Variants in FLYWCH1 observed in about 807,000 individuals in gnomAD.
FLYWCH1 encodes the protein FLYWCH-type zinc finger-containing protein 1.
A neutral mutation model predicts 66.4 loss-of-function variants in FLYWCH1; 75 were observed. The observed-to-expected ratio is 1.13, with a 90% confidence interval of 0.94 to 1.37. The LOEUF (loss-of-function observed/expected upper bound fraction) is 1.37, where lower values mean the gene tolerates loss of function less well. Ranked by LOEUF, FLYWCH1 falls within the 40% of genes most tolerant of loss-of-function variation. FLYWCH1 has a pLI of 0.00. For synonymous variants in FLYWCH1, 595 were observed against 429.9 expected, an observed-to-expected ratio of 1.38 and a Z score of -4.75; for missense variants, 1,334 against 1,001.8, an observed-to-expected ratio of 1.33 and a Z score of -4.48.
At chr16:2,919,138 C>G (rs4485370) in intron 2 of FLYWCH1, among the ~76,000 whole-genome samples, 6,817 of 152,126 alleles carry the variant, frequency 0.045, 507 homozygotes, top group African/African-American at 0.15. Context: ...CCAAGGTGGT[C>G]TCGATCTCCT....
intron 7 of FLYWCH1, among the ~76,000 whole-genome samples, chr16:2,937,705 T>A (rs1715598553): frequency 6.6e-6 from 1 of 152,024 alleles, no homozygotes; most frequent in Non-Finnish European, 1.5e-5. Flanking sequence ...TCCTGGACAC[T>A]CTTGGTCTAC....
chr16:2,934,208 C>T (rs1193562941), intron 6 of FLYWCH1, among the ~76,000 whole-genome samples: 3 of 152,176 alleles, frequency 2.0e-5, no homozygotes, highest in Admixed American at 6.5e-5. Context: ...CTGACCTGCC[C>T]CACAGTAGCA....
chr16:2,922,495 C>G, intron 2 of FLYWCH1: 1 of 237,774 alleles, frequency 4.2e-6, no homozygotes, highest in South Asian at 5.3e-5. Context: ...GCCCCTGGCA[C>G]CCCCATTCTA....
chr16:2,918,933 A>C (rs1042667791), intron 2 of FLYWCH1, among the ~76,000 whole-genome samples: 2 of 152,014 alleles, frequency 1.3e-5, no homozygotes, highest in African/African-American at 4.8e-5. Flanking sequence ...TGAATTTGTT[A>C]ATTGGATTTT....
chr16:2,944,185 C>T (rs1417913737), intron 9 of FLYWCH1, among the ~76,000 whole-genome samples: 1 of 151,674 alleles, frequency 6.6e-6, no homozygotes, highest in African/African-American at 2.4e-5. Context: ...TCAGGAATTC[C>T]AGACCAGCCT....
At chr16:2,921,131 A>G (rs1283354958) in intron 2 of FLYWCH1, among the ~76,000 whole-genome samples, 2 of 152,134 alleles carry the variant, frequency 1.3e-5, no homozygotes, top group Admixed American at 6.6e-5. Context: ...GTGAGCCACC[A>G]TTCCCAGACA....
chr16:2,945,165 C>A (rs1214431330), intron 9 of FLYWCH1, among the ~76,000 whole-genome samples: 1 of 151,710 alleles, frequency 6.6e-6, no homozygotes, highest in African/African-American at 2.4e-5. Context: ...GCCTGGCCAA[C>A]GTGAAGAAAC....
chr16:2,941,652 G>T (rs572844451), intron 9 of FLYWCH1, among the ~76,000 whole-genome samples: 1 of 151,856 alleles, frequency 6.6e-6, no homozygotes, highest in South Asian at 2.1e-4. Flanking sequence ...TAGGGTGGGA[G>T]GATCGCTTGA....
At chr16:2,927,822 A>G (rs550286762) in intron 2 of FLYWCH1, among the ~76,000 whole-genome samples, 24 of 152,226 alleles carry the variant, frequency 1.6e-4, no homozygotes, top group African/African-American at 5.5e-4. Flanking sequence ...ACACAGAGAC[A>G]AAGTATATAG....
intron 9 of FLYWCH1, among the ~76,000 whole-genome samples, chr16:2,944,836 ATTT>A (rs35179331): frequency 0.24 from 34,228 of 142,526 alleles, 4,436 homozygotes; most frequent in Non-Finnish European, 0.3. Context: ...AAAAAAAAAA[ATTT>A]TTTTTAACTG....
chr16:2,918,283 G>A (rs1280847152), intron 2 of FLYWCH1, among the ~76,000 whole-genome samples: 2 of 151,818 alleles, frequency 1.3e-5, no homozygotes, highest in Non-Finnish European at 2.9e-5. Flanking sequence ...GAGTAGCTGG[G>A]ACTACAGGCG....
intron 9 of FLYWCH1, among the ~76,000 whole-genome samples, chr16:2,940,943 C>A (rs907253469): frequency 1.3e-4 from 19 of 151,986 alleles, no homozygotes; most frequent in African/African-American, 4.3e-4. Context: ...CCAGCCTGGC[C>A]AACATGGTGA....
chr16:2,933,100 G>C lies in FLYWCH1; in HGVS notation c.797-30G>C, dbSNP rs373423484. On this transcript the variant is annotated intron_variant, in intron 4 of 9. Transcript: ENST00000253928. ...CCTCCTGGGCTCCTCTCCACCCCTG[G>C]TGATGTGACCACTTGGGTCTCTCCT... is the stretch of plus-strand genomic sequence containing the variant. The C allele has an allele frequency of 1.1e-4, 181 of 1,593,910 alleles. 1 individual carries two copies. In the African/African-American group the frequency reaches 2.1e-3, roughly 19 times the overall value.
Position 2,930,419 on chromosome 16 carries a change from A to G in FLYWCH1, c.335A>G (p.Gln112Arg), listed in dbSNP as rs1307553140. ...CTTCCCGTTCCCCCAGCAGCCCCTC[A>G]GTCCCTGGAGTTCCTGAGGACACCA... ...KCSKLDAAAPQSLEFLRTPFG... is the reference protein window; with the variant it reads ...KCSKLDAAAPRSLEFLRTPFG... Residue 112 changes from glutamine (Q) to arginine (R), a missense_variant, in exon 4 of 10, where the codon CAG (glutamine) becomes CGG (arginine). Gln to Arg is a conservative substitution (Grantham distance 43). Transcript: ENST00000253928. The G allele has an allele frequency of 2.1e-6, 3 of 1,458,798 alleles. No homozygotes were observed. The highest frequency in any genetic ancestry group is 5.9e-5 in the Admixed American group (2 of 33,914). The allele number at this position is 1,458,798 out of a possible 1,614,324, so 90.4% of individuals were successfully genotyped here.
At chr16:2,937,916 T>G (rs1014417799) in intron 7 of FLYWCH1, among the ~76,000 whole-genome samples, 4 of 152,060 alleles carry the variant, frequency 2.6e-5, no homozygotes, top group Non-Finnish European at 2.9e-5. Flanking sequence ...GCATGAGGTC[T>G]GAGGGGTTGG....
At position 2,933,315 on chromosome 16, in the gene FLYWCH1, G is replaced by A; in HGVS notation, c.982G>A (p.Gly328Arg). 6.2e-7 allele frequency: 1 copy of A among 1,610,708 alleles called. No individual in the cohort carries two copies. The highest frequency in any genetic ancestry group is 1.1e-5 in the South Asian group (1 of 90,646). The change falls in exon 5 of 10, where the codon GGG (glycine) becomes AGG (arginine). Residue 328 changes from glycine to arginine, a missense_variant. Transcript: ENST00000253928. ...GGGACAGCGGGTGACTGTGATGCGTGGGCACTGCCACCAGCCCGATATGGA... is the reference window on the plus strand; with the variant it reads ...GGGACAGCGGGTGACTGTGATGCGTAGGCACTGCCACCAGCCCGATATGGA... ...TQGQRVTVMR[G>R]HCHQPDMEGL... is the part of the protein sequence containing the mutation.
At position 2,937,164 on chromosome 16, in the gene FLYWCH1, G is replaced by C. The variant is rs766700637; in HGVS notation, c.1557G>C (p.Leu519=). 7.8e-7 allele frequency: 1 copy of C among 1,287,630 alleles called. No individual in the cohort carries two copies. The highest frequency in any genetic ancestry group is 1.0e-6 in the Non-Finnish European group (1 of 1,001,406). The allele number at this position is 1,287,630 out of a possible 1,614,324, so 79.8% of individuals were successfully genotyped here. The change falls in exon 7 of 10, where the codon CTG becomes CTC. Residue 519 remains leucine (L), a synonymous_variant. Transcript: ENST00000253928. ...AGACGCCCCTGGGGGGCAGCTTCCT[G>C]GTGTACGAGTCCTTCCTCTACCGGC... is the stretch of plus-strand genomic sequence containing the variant. ...FLKTPLGGSF[L]VYESFLYRRE...
At position 2,930,001 on chromosome 16, in the gene FLYWCH1, C is replaced by G. The variant is rs763282065; in HGVS notation, c.316C>G (p.Leu106Val). 12 of 1,603,576 alleles carry G rather than the reference C, an allele frequency of 7.5e-6. No individual in the cohort carries two copies. Among genetic ancestry groups the G allele is most frequent in the East Asian group, 4.5e-5 (2 of 44,554 alleles). The change falls in exon 3 of 10, where the codon CTG (leucine) becomes GTG (valine). Residue 106 changes from leucine to valine, a missense_variant. Transcript: ENST00000253928. ...LEMPEQKCSK[L>V]DAAAPQSLEF... ...GATGCCTGAACAGAAGTGCAGCAAG[C>G]TGGATGCAGGTGAGGTGTGGCTTCC...
At chr16:2,923,258 T>G (rs1443139109) in intron 2 of FLYWCH1, 4 of 290,700 alleles carry the variant, frequency 1.4e-5, no homozygotes, top group Non-Finnish European at 2.7e-5. Flanking sequence ...TTGTTTATTT[T>G]TATTTTTGAA....
Sources: gnomAD v4.1 joint callset for allele counts (sites outside exome capture counted in the v4.1 genomes callset) on GRCh38, gnomAD v4.1.1 for gene constraint, MANE v1.5 for transcripts, NCBI Gene and HGNC (gene_info 2026-07-23, HGNC 2026-07-21) for gene names.